Variants in CSMD1 observed in about 807,000 individuals in gnomAD.
The protein encoded by CSMD1 is CUB and Sushi multiple domains 1, also known as CUB and sushi domain-containing protein 1.
In CSMD1, 213 loss-of-function variants were observed where a neutral mutation model predicts 417.5. That is an observed-to-expected ratio of 0.51 (90% CI 0.46 to 0.57). The LOEUF (loss-of-function observed/expected upper bound fraction) is 0.57, where lower values mean the gene tolerates loss of function less well. Ranked by LOEUF, CSMD1 falls within the 20% of genes least tolerant of loss-of-function variation. CSMD1 has a pLI of 0.00. For missense variants in CSMD1, 6,923 were observed against 4,529.7 expected, an observed-to-expected ratio of 1.53 and a Z score of -15.17; for synonymous variants, 2,862 against 1,736.8, an observed-to-expected ratio of 1.65 and a Z score of -16.11.
intron 25 of CSMD1, among the ~76,000 whole-genome samples, chr8:3,285,939 C>G (rs910572814): frequency 6.6e-6 from 1 of 152,072 alleles, no homozygotes; most frequent in Non-Finnish European, 1.5e-5. Flanking sequence ...CCCATTAACT[C>G]ACCATTTAAC....
At chr8:4,253,999 C>G (rs1337764645) in intron 3 of CSMD1, among the ~76,000 whole-genome samples, 1 of 146,096 alleles carries the variant, frequency 6.8e-6, no homozygotes, top group Admixed American at 7.1e-5. Context: ...TCACTGCAAG[C>G]TCTGCCTCCA....
At chr8:2,954,309 T>G in intron 64 of CSMD1, 41 bp from the exon 65 acceptor site, 2 of 1,241,064 alleles carry the variant, frequency 1.6e-6, no homozygotes, top group Non-Finnish European at 2.2e-6. Flanking sequence ...AAAAAAACAT[T>G]TATTTTTGAG....
chr8:3,691,684 G>A (rs191416122), intron 7 of CSMD1, among the ~76,000 whole-genome samples: 2 of 152,084 alleles, frequency 1.3e-5, no homozygotes, highest in South Asian at 2.1e-4. Flanking sequence ...ATTTTTTATA[G>A]CAATGTAATA....
chr8:3,615,298 G>A (rs542079223), intron 8 of CSMD1, among the ~76,000 whole-genome samples: 3 of 152,204 alleles, frequency 2.0e-5, no homozygotes, highest in South Asian at 4.2e-4. Flanking sequence ...CCCAGAACTC[G>A]CCATGGAAAC....
chr8:4,410,410 A>G (rs553181942), intron 3 of CSMD1, among the ~76,000 whole-genome samples: 2 of 152,132 alleles, frequency 1.3e-5, no homozygotes, highest in African/African-American at 4.8e-5. Flanking sequence ...ATTTAAATTA[A>G]TTTTCCCTAA....
intron 25 of CSMD1, among the ~76,000 whole-genome samples, chr8:3,300,922 G>A (rs868459272): frequency 4.1e-4 from 50 of 121,494 alleles, no homozygotes; most frequent in Admixed American, 6.9e-4. Flanking sequence ...TTGCGCCACC[G>A]CACTCCAGCC....
intron 3 of CSMD1, among the ~76,000 whole-genome samples, chr8:4,353,838 A>C (rs1801240686): frequency 6.6e-6 from 1 of 152,164 alleles, no homozygotes; most frequent in Admixed American, 6.6e-5. Flanking sequence ...CTCCTCAGTG[A>C]CCCGCACTTA....
chr8:3,951,499 G>C (rs1187216154), intron 5 of CSMD1, among the ~76,000 whole-genome samples: 3 of 152,058 alleles, frequency 2.0e-5, no homozygotes, highest in Non-Finnish European at 2.9e-5. Context: ...ATAACAACTG[G>C]TTGACCTGAG....
intron 5 of CSMD1, among the ~76,000 whole-genome samples, chr8:3,995,590 A>G (rs2554677): frequency 0.51 from 78,221 of 151,964 alleles, 20,478 homozygotes; most frequent in East Asian, 0.62. Flanking sequence ...GAGACCTTGA[A>G]CCTGAGCTCT....
chr8:2,998,400 T>C (rs1807102560), intron 53 of CSMD1, among the ~76,000 whole-genome samples: 1 of 152,164 alleles, frequency 6.6e-6, no homozygotes, highest in African/African-American at 2.4e-5. Flanking sequence ...TTGTGGAAAA[T>C]AACAAACACC....
At chr8:4,041,454 G>A (rs1353085480) in intron 3 of CSMD1, among the ~76,000 whole-genome samples, 1 of 152,120 alleles carries the variant, frequency 6.6e-6, no homozygotes, top group Non-Finnish European at 1.5e-5. Flanking sequence ...CCTACATCCA[G>A]CCTTAAAAAG....
rs192341794 is a variant in CSMD1, at chr8:4,557,548, T to C, written c.302+79794A>G. On this transcript the variant is annotated intron_variant, in intron 2 of 69. Coordinates refer to ENST00000635120, the MANE Select transcript of CSMD1 (RefSeq NM_033225.6). ...AAATACATCTTTAACAACGTGAGAA[T>C]GAAGGCAGAAAAACAACAGTATTAA... is the stretch of plus-strand genomic sequence containing the variant. 2.3e-3 allele frequency among the ~76,000 whole-genome samples: 354 copies of C among 151,792 alleles called. 1 individual carries two copies. The highest frequency in any genetic ancestry group is 8.4e-3 in the African/African-American group (347 of 41,344).
intron 5 of CSMD1, among the ~76,000 whole-genome samples, chr8:3,900,396 T>A (rs894956765): frequency 2.1e-5 from 3 of 145,242 alleles, no homozygotes; most frequent in Non-Finnish European, 3.0e-5. Flanking sequence ...GGTGACAGTA[T>A]AGGTGGGTGA....
intron 3 of CSMD1, among the ~76,000 whole-genome samples, chr8:4,221,210 A>G (rs942710797): frequency 1.3e-5 from 2 of 152,162 alleles, no homozygotes; most frequent in African/African-American, 2.4e-5. Context: ...TGCCCCATAA[A>G]TATTTCAAAT....
intron 3 of CSMD1, among the ~76,000 whole-genome samples, chr8:4,372,707 A>G (rs566585979): frequency 6.6e-6 from 1 of 151,780 alleles, no homozygotes; most frequent in Non-Finnish European, 1.5e-5. Flanking sequence ...GCTAACTGAA[A>G]GAGTTCTCAC....
chr8:4,377,983 C>T (rs1205764697), intron 3 of CSMD1, among the ~76,000 whole-genome samples: 1 of 152,158 alleles, frequency 6.6e-6, no homozygotes, highest in African/African-American at 2.4e-5. Flanking sequence ...GTAGTGCTGT[C>T]AACAACATTT....
At chr8:4,770,861 T>C (rs558168109) in intron 1 of CSMD1, among the ~76,000 whole-genome samples, 1 of 152,154 alleles carries the variant, frequency 6.6e-6, no homozygotes, top group South Asian at 2.1e-4. Context: ...AATCCCAGAA[T>C]ACACAGGGGA....
chr8:3,987,152 C>A (rs527488923), intron 5 of CSMD1, among the ~76,000 whole-genome samples: 2 of 152,270 alleles, frequency 1.3e-5, no homozygotes, highest in South Asian at 4.1e-4. Flanking sequence ...TATCCGAGTT[C>A]TATGGGAGAA....
At chr8:4,107,007 G>A (rs1801602537) in intron 3 of CSMD1, among the ~76,000 whole-genome samples, 1 of 152,172 alleles carries the variant, frequency 6.6e-6, no homozygotes, top group South Asian at 2.1e-4. Flanking sequence ...AACACTAACA[G>A]GAGAGAAAAT....
Sources: allele counts gnomAD v4.1 joint callset (sites outside exome capture counted in the v4.1 genomes callset), GRCh38; gene constraint gnomAD v4.1.1; transcripts MANE v1.5; gene names NCBI Gene and HGNC (gene_info 2026-07-23, HGNC 2026-07-21).